PARP14: variants seen among roughly 807,000 people sequenced by gnomAD.
PARP14 encodes the protein poly(ADP-ribose) polymerase family member 14.
Under a neutral mutation model 154.2 loss-of-function variants are expected in PARP14, and 59 were observed. That is an observed-to-expected ratio of 0.38 (90% CI 0.31 to 0.48). The LOEUF is 0.48. Ranked by LOEUF, PARP14 falls within the 20% of genes least tolerant of loss-of-function variation. The pLI, the probability that PARP14 is intolerant of heterozygous loss-of-function variation, is 0.98. For synonymous variants in PARP14, 720 were observed against 780.5 expected, an observed-to-expected ratio of 0.92 and a Z score of 1.29; for missense variants, 1,734 against 2,131.6, an observed-to-expected ratio of 0.81 and a Z score of 3.67.
chr3:122,714,187 T>G, intron 11 of PARP14, 75 bp from the exon 12 acceptor site: 1 of 1,256,832 alleles, frequency 8.0e-7, no homozygotes, highest in East Asian at 2.5e-5. Flanking sequence ...CTTGCCAAGT[T>G]ATACATTTTG....
At chr3:122,689,815 A>C (rs1938484425) in intron 3 of PARP14, among the ~76,000 whole-genome samples, 1 of 151,634 alleles carries the variant, frequency 6.6e-6, no homozygotes, top group Non-Finnish European at 1.5e-5. Flanking sequence ...CCCTTACCAC[A>C]AGCTGGGAGA....
intron 12 of PARP14, among the ~76,000 whole-genome samples, chr3:122,715,773 C>T (rs564485810): frequency 5.9e-5 from 9 of 152,218 alleles, no homozygotes; most frequent in Admixed American, 4.6e-4. Context: ...CTTGGGTTTC[C>T]ACCTTCAGTT....
chr3:122,695,891 G>GTC (rs1938756149), intron 5 of PARP14, among the ~76,000 whole-genome samples: 1 of 152,156 alleles, frequency 6.6e-6, no homozygotes, highest in African/African-American at 2.4e-5. Flanking sequence ...TTTTTCATGA[G>GTC]TCTCTACCTA....
chr3:122,719,321 A>G (rs1038292162), intron 14 of PARP14, among the ~76,000 whole-genome samples: 4 of 152,226 alleles, frequency 2.6e-5, no homozygotes. Flanking sequence ...AAGGTTTTCT[A>G]GAACAAAAAA....
chr3:122,682,623 G>A (rs2107634138), intron 1 of PARP14, among the ~76,000 whole-genome samples: 1 of 152,286 alleles, frequency 6.6e-6, no homozygotes, highest in South Asian at 2.1e-4. Context: ...CCTCCAAGCA[G>A]AAAAGATTTC....
chr3:122,707,851 T>G (rs911049993), intron 8 of PARP14, among the ~76,000 whole-genome samples: 1 of 152,212 alleles, frequency 6.6e-6, no homozygotes, highest in Non-Finnish European at 1.5e-5. Context: ...TAATGGCTAA[T>G]AAATACTCCA....
At chr3:122,713,716 A>C in intron 10 of PARP14, 143 bp downstream of exon 10, 1 of 888,696 alleles carries the variant, frequency 1.1e-6, no homozygotes. Flanking sequence ...ATAATTAATA[A>C]TGTTTATTTT....
intron 15 of PARP14, among the ~76,000 whole-genome samples, chr3:122,724,498 G>T (rs898273854): frequency 7.3e-6 from 1 of 136,772 alleles, no homozygotes. Flanking sequence ...GATGGAGTCC[G>T]TGTTATCCAG....
At chr3:122,713,394 G>A (rs1342459787) in intron 9 of PARP14, 30 bp from the exon 10 acceptor site, 4 of 1,590,898 alleles carry the variant, frequency 2.5e-6, no homozygotes, top group Non-Finnish European at 2.6e-6. Context: ...TGGCTGACTC[G>A]GTTATTGACT....
chr3:122,686,908 C>T, intron 2 of PARP14, 172 bp from the exon 3 acceptor site: 1 of 517,788 alleles, frequency 1.9e-6, no homozygotes, highest in South Asian at 3.1e-5. Context: ...TTGTGACTTG[C>T]AAGTGAATAT....
intron 3 of PARP14, among the ~76,000 whole-genome samples, chr3:122,691,475 A>G (rs890687995): frequency 6.6e-6 from 1 of 152,018 alleles, no homozygotes; most frequent in African/African-American, 2.4e-5. Flanking sequence ...TGGCCATTTC[A>G]CTTTCTGTGT....
In PARP14 at chr3:122,703,768, C is replaced by G. The variant is rs1303686201; in HGVS notation, c.3108C>G (p.Pro1036=). The G allele has an allele frequency of 6.2e-7, 1 of 1,610,072 alleles. No homozygotes were observed. Among genetic ancestry groups the G allele is most frequent in the African/African-American group, 1.3e-5 (1 of 74,768 alleles). Residue 1036 remains proline (P), a synonymous_variant, in exon 7 of 17, where the codon CCC becomes CCG. Transcript: ENST00000474629. Reference sequence around the variant, plus strand: ...CCGATGTTGTTGTCAACTCCGTTCCCTTGGATCTCGTGCTTAGTAGAGGGC... The same window carrying G: ...CCGATGTTGTTGTCAACTCCGTTCCGTTGGATCTCGTGCTTAGTAGAGGGC... The part of the protein sequence containing the change: ...AKTDVVVNSV[P]LDLVLSRGPL...
At position 122,681,032 on chromosome 3, in the gene PARP14, G is replaced by T. The variant is rs1202023159; in HGVS notation, c.149G>T (p.Ser50Ile). The change falls in exon 1 of 17, where the codon AGC becomes ATC. Residue 50 changes from serine to isoleucine, a missense_variant. Ser to Ile is a moderately radical substitution (Grantham distance 142). Coordinates refer to ENST00000474629, the MANE Select transcript of PARP14 (RefSeq NM_017554.3). The surrounding 1 kb of genome is among the most constrained non-coding windows in gnomAD (Gnocchi z 5.5). ...TGTGAGGTCCGCCAGGATCCCAGGA[G>T]CCCATCCCGCTTCCTGGTGTTCTTC... ...GECEVRQDPRSPSRFLVFFYP... is the reference protein window; with the variant it reads ...GECEVRQDPRIPSRFLVFFYP... 6.2e-7 allele frequency: 1 copy of T among 1,613,674 alleles called. No individual in the cohort carries two copies. Among genetic ancestry groups the T allele is most frequent in the African/African-American group, 1.3e-5 (1 of 74,922 alleles).
intron 4 of PARP14, 75 bp from the exon 5 acceptor site, chr3:122,695,351 G>T: frequency 1.3e-6 from 1 of 743,230 alleles, no homozygotes; most frequent in East Asian, 2.7e-5. Context: ...TTAGTAGCCA[G>T]ACATTTTCTT....
chr3:122,686,196 C>G (rs1938367650), intron 2 of PARP14, among the ~76,000 whole-genome samples: 2 of 152,172 alleles, frequency 1.3e-5, no homozygotes, highest in Non-Finnish European at 2.9e-5. Context: ...CTCTGTTGCC[C>G]AGGCTGGAGT....
intron 1 of PARP14, among the ~76,000 whole-genome samples, chr3:122,682,283 G>T (rs1453097994): frequency 6.6e-6 from 1 of 152,118 alleles, no homozygotes; most frequent in Non-Finnish European, 1.5e-5. Context: ...CATCACCATC[G>T]ATCTGGCCCT....
intron 1 of PARP14, chr3:122,683,217 G>T (rs964495487): frequency 1.4e-6 from 1 of 716,384 alleles, no homozygotes; most frequent in Non-Finnish European, 1.7e-6. Flanking sequence ...TGCTAACAAT[G>T]AATGACCTAC....
chr3:122,725,713 G>C (rs191428539), intron 15 of PARP14, among the ~76,000 whole-genome samples: 108 of 152,166 alleles, frequency 7.1e-4, no homozygotes, highest in African/African-American at 2.6e-3. Flanking sequence ...ATATACTTGA[G>C]TTTTGCTTTT....
At chr3:122,704,442 TCA>T in intron 7 of PARP14, 83 bp from the exon 8 acceptor site, 1 of 790,666 alleles carries the variant, frequency 1.3e-6, no homozygotes, top group Non-Finnish European at 2.1e-6. Flanking sequence ...GTATTCAAGT[TCA>T]CAAAGTTGCT....
Sources: gnomAD v4.1 joint callset for allele counts (sites outside exome capture counted in the v4.1 genomes callset) on GRCh38, gnomAD v4.1.1 for gene constraint, Gnocchi (gnomAD v3.1) non-coding constraint, MANE v1.5 for transcripts, NCBI Gene and HGNC (gene_info 2026-07-23, HGNC 2026-07-21) for gene names.